Variants in CTNNA2 observed in about 807,000 individuals in gnomAD.
CTNNA2 encodes catenin alpha 2.
In CTNNA2, 42 loss-of-function variants were observed where a neutral mutation model predicts 101.0. The ratio of observed to expected loss-of-function variants is 0.42; its 90% CI spans 0.32 to 0.54. The LOEUF (loss-of-function observed/expected upper bound fraction) is 0.54. Among genes scored for constraint, CTNNA2 ranks in the 20% least tolerant of loss-of-function variants. CTNNA2 has a pLI of 0.14. For synonymous variants in CTNNA2, 450 were observed against 456.4 expected, an observed-to-expected ratio of 0.99 and a Z score of 0.18; for missense variants, 871 against 1,223.1, an observed-to-expected ratio of 0.71 and a Z score of 4.29.
At chr2:79,987,391 G>A (rs983373322) in intron 7 of CTNNA2, among the ~76,000 whole-genome samples, 1 of 152,148 alleles carries the variant, frequency 6.6e-6, no homozygotes, top group South Asian at 2.1e-4. Flanking sequence ...TTTGAATTCA[G>A]AAAGAACTGG....
intron 7 of CTNNA2, among the ~76,000 whole-genome samples, chr2:80,167,020 C>T (rs1047916462): frequency 5.3e-5 from 8 of 151,806 alleles, no homozygotes; most frequent in African/African-American, 1.9e-4. Flanking sequence ...GCCAGCCTGA[C>T]TTCTTCTTGC....
In CTNNA2 at chr2:80,032,689, G is replaced by A. The variant is rs375410835; in HGVS notation, c.1056+122892G>A. Among the ~76,000 whole-genome samples, 5 of 152,272 alleles carry A rather than the reference G, an allele frequency of 3.3e-5. No homozygotes were observed. In the East Asian group the frequency reaches 5.8e-4, roughly 18 times the overall value. ...AAAAATCAATTGCTTCTATAAAATA[G>A]CTGGTTAGAAGATTTAATGATAGAA... On this transcript the variant is annotated intron_variant, in intron 7 of 18. Transcript: ENST00000402739.
At chr2:79,843,501 T>A (rs1488633391) in intron 3 of CTNNA2, among the ~76,000 whole-genome samples, 10 of 152,186 alleles carry the variant, frequency 6.6e-5, no homozygotes, top group African/African-American at 2.4e-4. Context: ...CCCCGTCCAG[T>A]ATGTCACGAT....
intron 7 of CTNNA2, among the ~76,000 whole-genome samples, chr2:80,020,775 A>G (rs1036438289): frequency 1.3e-5 from 2 of 152,112 alleles, no homozygotes; most frequent in Non-Finnish European, 2.9e-5. Flanking sequence ...CAATTACTGC[A>G]TGCACAATTA....
At chr2:79,970,089 A>G (rs1690371565) in intron 7 of CTNNA2, among the ~76,000 whole-genome samples, 1 of 152,202 alleles carries the variant, frequency 6.6e-6, no homozygotes, top group South Asian at 2.1e-4. Context: ...TAGTAGGGGT[A>G]AGCATTTATG....
At chr2:79,928,052 G>A (rs1263375201) in intron 7 of CTNNA2, among the ~76,000 whole-genome samples, 3 of 152,126 alleles carry the variant, frequency 2.0e-5, no homozygotes, top group African/African-American at 7.2e-5. Flanking sequence ...TGTTTACGTT[G>A]GGTTTGTTGA....
At chr2:80,237,813 T>C (rs1375331020) in intron 7 of CTNNA2, among the ~76,000 whole-genome samples, 1 of 152,192 alleles carries the variant, frequency 6.6e-6, no homozygotes, top group East Asian at 1.9e-4. Context: ...ATTTGCTTTA[T>C]GAAGACTCTA....
At position 79,790,302 on chromosome 2, in the gene CTNNA2, G is replaced by A. The variant is rs565654936; in HGVS notation, c.298+45720G>A. On this transcript the variant is annotated intron_variant, in intron 3 of 18. Transcript: ENST00000402739. Reference sequence around the variant, plus strand: ...TGGTGTCAGAGAAACCAGTGAAGGGGAAAGGCACTAGAGAGAGGGAGGAGT... The same window carrying A: ...TGGTGTCAGAGAAACCAGTGAAGGGAAAAGGCACTAGAGAGAGGGAGGAGT... 1.1e-4 allele frequency among the ~76,000 whole-genome samples: 17 copies of A among 152,320 alleles called. No homozygotes were observed. In the East Asian group the frequency reaches 2.5e-3, roughly 23 times the overall value.
At chr2:79,273,611 G>A (rs1358695855) in intron 2 of CTNNA2, among the ~76,000 whole-genome samples, 2 of 152,052 alleles carry the variant, frequency 1.3e-5, no homozygotes, top group Non-Finnish European at 2.9e-5. Context: ...ATTGGCCAAA[G>A]ATTCACTTGA....
chr2:79,576,153 AT>A (rs1438959868), intron 1 of CTNNA2, among the ~76,000 whole-genome samples: 1 of 152,232 alleles, frequency 6.6e-6, no homozygotes, highest in Non-Finnish European at 1.5e-5. Flanking sequence ...CTCCAAAAAC[AT>A]TTCTAAATGA....
At chr2:79,372,102 G>C (rs561477165) in intron 3 of CTNNA2, among the ~76,000 whole-genome samples, 26 of 152,180 alleles carry the variant, frequency 1.7e-4, no homozygotes, top group African/African-American at 5.3e-4. Context: ...CAGGTTCTCC[G>C]GGGTGAACCT....
rs73940515 is a variant in CTNNA2, at chr2:79,363,785, C to T, written c.-317-10046C>T. Among the ~76,000 whole-genome samples, 336 of 152,220 alleles carry T rather than the reference C, an allele frequency of 2.2e-3. 3 individuals carry two copies. Among genetic ancestry groups the T allele is most frequent in the African/African-American group, 7.8e-3 (323 of 41,542 alleles). On this transcript the variant is annotated intron_variant, in intron 3 of 21. Transcript: ENST00000466387. ...AGTCATTACAGGCCCGAGGAGCAAA[C>T]GAATTATACAGCACAGTGTTACCAC...
intron 2 of CTNNA2, among the ~76,000 whole-genome samples, chr2:79,284,959 A>C (rs2104351357): frequency 8.5e-6 from 1 of 118,154 alleles, no homozygotes; most frequent in Non-Finnish European, 1.8e-5. Flanking sequence ...GTCTATTCAG[A>C]GATTCAACTT....
chr2:80,268,649 A>AT (rs1673206156), intron 7 of CTNNA2, among the ~76,000 whole-genome samples: 1 of 152,224 alleles, frequency 6.6e-6, no homozygotes, highest in African/African-American at 2.4e-5. Flanking sequence ...CCCAAGAATA[A>AT]TCTCAAGCTG....
At chr2:79,938,467 G>A (rs1248004594) in intron 7 of CTNNA2, among the ~76,000 whole-genome samples, 1 of 152,214 alleles carries the variant, frequency 6.6e-6, no homozygotes, top group East Asian at 1.9e-4. Flanking sequence ...GTATGTGTGT[G>A]TGTGCTTATG....
At chr2:80,139,892 A>G (rs1425055991) in intron 7 of CTNNA2, among the ~76,000 whole-genome samples, 1 of 152,190 alleles carries the variant, frequency 6.6e-6, no homozygotes, top group Non-Finnish European at 1.5e-5. Flanking sequence ...CAGAGCCCAA[A>G]GCAAAAAAAG....
At chr2:80,029,350 T>C (rs905290088) in intron 7 of CTNNA2, 2 of 152,104 alleles carry the variant, frequency 1.3e-5, no homozygotes, top group African/African-American at 4.8e-5. Context: ...ACCTTGCAGG[T>C]GAAAGGGAGG....
chr2:80,314,717 T>A (rs1456275971), intron 7 of CTNNA2, among the ~76,000 whole-genome samples: 1 of 152,210 alleles, frequency 6.6e-6, no homozygotes, highest in East Asian at 1.9e-4. Flanking sequence ...GTCTAGCTGG[T>A]GTTGAGTGTA....
chr2:80,250,687 AG>A (rs1201935610), intron 7 of CTNNA2, among the ~76,000 whole-genome samples: 2 of 152,184 alleles, frequency 1.3e-5, no homozygotes, highest in African/African-American at 2.4e-5. Flanking sequence ...TGCAGGACAC[AG>A]GGCTGTGGCT....
Sources: allele counts gnomAD v4.1 joint callset (sites outside exome capture counted in the v4.1 genomes callset), GRCh38; gene constraint gnomAD v4.1.1; transcripts MANE v1.5; gene names NCBI Gene and HGNC (gene_info 2026-07-23, HGNC 2026-07-21).